Variants in GLIS3 observed in about 807,000 individuals in gnomAD.
GLIS3 encodes the protein GLIS family zinc finger 3, also known as zinc finger protein GLIS3.
Under a neutral mutation model 78.6 loss-of-function variants are expected in GLIS3, and 53 were observed. The ratio of observed to expected loss-of-function variants is 0.67; its 90% CI spans 0.54 to 0.85. The LOEUF (loss-of-function observed/expected upper bound fraction) is 0.85, where lower values mean the gene tolerates loss of function less well. Among genes scored for constraint, GLIS3 ranks in the 40% least tolerant of loss-of-function variants. The probability of loss-of-function intolerance (pLI) is 0.00; values close to 1 mark genes in which losing one functional copy is unlikely to be tolerated. For synonymous variants in GLIS3, 684 were observed against 509.9 expected, an observed-to-expected ratio of 1.34 and a Z score of -4.60; for missense variants, 1,703 against 1,231.1, an observed-to-expected ratio of 1.38 and a Z score of -5.74.
chr9:3,942,277 G>A (rs1324972248), intron 4 of GLIS3, among the ~76,000 whole-genome samples: 1 of 152,042 alleles, frequency 6.6e-6, no homozygotes, highest in East Asian at 1.9e-4. Context: ...TGTGACCCTG[G>A]GAGGTACACA....
chr9:4,011,427 C>A (rs117285918), intron 4 of GLIS3, among the ~76,000 whole-genome samples: 1 of 152,192 alleles, frequency 6.6e-6, no homozygotes, highest in Non-Finnish European at 1.5e-5. Flanking sequence ...ACGAGGCACT[C>A]GGCATTCAGT....
chr9:4,487,956 T>C, the GLIS3 span, among the ~76,000 whole-genome samples: 1 of 152,180 alleles, frequency 6.6e-6, no homozygotes, highest in African/African-American at 2.4e-5. Flanking sequence ...CCTCCCAAAC[T>C]GCTGGGAATA....
chr9:4,148,168 C>T lies in GLIS3; in HGVS notation c.389-22227G>A, dbSNP rs545286650. On this transcript the variant is annotated intron_variant, in intron 2 of 10. Transcript: ENST00000381971. ...AGGAATGCTTGAGCTCTTAATCCCT[C>T]CCCCCTTTTTCTTATTATAGCAAAA... Among the ~76,000 whole-genome samples, 3 of 152,180 alleles carry T rather than the reference C, an allele frequency of 2.0e-5. No homozygotes were observed. The East Asian group carries it at 5.8e-4, about 29-fold the overall frequency.
At chr9:3,904,490 T>C (rs1823525669) in intron 6 of GLIS3, among the ~76,000 whole-genome samples, 1 of 152,150 alleles carries the variant, frequency 6.6e-6, no homozygotes, top group Admixed American at 6.5e-5. Context: ...ACACATAATA[T>C]ATAGATATTT....
At chr9:4,487,605 T>A in the GLIS3 span, among the ~76,000 whole-genome samples, 7 of 152,058 alleles carry the variant, frequency 4.6e-5, no homozygotes, top group Admixed American at 4.6e-4. Context: ...TGCTTCCACT[T>A]TTTTCTCCCC....
chr9:4,177,743 G>T (rs149857003), intron 2 of GLIS3, among the ~76,000 whole-genome samples: 99 of 152,348 alleles, frequency 6.5e-4, no homozygotes, highest in African/African-American at 2.4e-3. Flanking sequence ...TCTTCATATG[G>T]AAAGTGTTCC....
chr9:4,379,639 C>T, the GLIS3 span, among the ~76,000 whole-genome samples: 1 of 152,158 alleles, frequency 6.6e-6, no homozygotes, highest in East Asian at 1.9e-4. Context: ...TTTCAGTGGA[C>T]CTTGAAATTA....
chr9:4,360,940 T>C, the GLIS3 span, among the ~76,000 whole-genome samples: 2 of 152,326 alleles, frequency 1.3e-5, no homozygotes, highest in South Asian at 2.1e-4. Context: ...ATTTCCACAA[T>C]AGCCAGCCTC....
chr9:4,276,841 G>A (rs958073965), intron 2 of GLIS3, among the ~76,000 whole-genome samples: 4 of 152,068 alleles, frequency 2.6e-5, no homozygotes, highest in Non-Finnish European at 5.9e-5. Flanking sequence ...AGTAAACATT[G>A]TGTTTCACCT....
the GLIS3 span, among the ~76,000 whole-genome samples, chr9:4,413,020 G>A: frequency 6.6e-6 from 1 of 152,160 alleles, no homozygotes; most frequent in Non-Finnish European, 1.5e-5. Flanking sequence ...CTTCTGTCTT[G>A]TTAGGCTACT....
At chr9:3,832,894 A>G (rs2129978181) in intron 9 of GLIS3, among the ~76,000 whole-genome samples, 1 of 152,316 alleles carries the variant, frequency 6.6e-6, no homozygotes, top group East Asian at 1.9e-4. Context: ...TTCGGGGACA[A>G]TGATAGAGAC....
At chr9:3,932,036 T>C (rs1825652314) in intron 6 of GLIS3, among the ~76,000 whole-genome samples, 1 of 152,244 alleles carries the variant, frequency 6.6e-6, no homozygotes, top group Admixed American at 6.5e-5. Flanking sequence ...ACTTAACTTC[T>C]ATAAAAGCTT....
chr9:3,923,434 A>G (rs996657703), intron 6 of GLIS3, among the ~76,000 whole-genome samples: 3 of 152,200 alleles, frequency 2.0e-5, no homozygotes, highest in Non-Finnish European at 4.4e-5. Flanking sequence ...TCCATACGCC[A>G]AAAAATCTGG....
intron 6 of GLIS3, among the ~76,000 whole-genome samples, chr9:3,920,703 T>A (rs566213302): frequency 1.3e-5 from 2 of 151,862 alleles, no homozygotes; most frequent in South Asian, 4.2e-4. Context: ...CCGATTTCTA[T>A]ATTTGCTTAT....
the GLIS3 span, among the ~76,000 whole-genome samples, chr9:4,365,887 G>C: frequency 6.6e-6 from 1 of 152,222 alleles, no homozygotes; most frequent in Non-Finnish European, 1.5e-5. Context: ...AAAGGGTCAA[G>C]GAGCTACGAG....
chr9:3,914,675 A>G (rs1385645899), intron 6 of GLIS3, among the ~76,000 whole-genome samples: 1 of 152,202 alleles, frequency 6.6e-6, no homozygotes, highest in Non-Finnish European at 1.5e-5. Flanking sequence ...CTAAAGAGTC[A>G]ATGTCAAGTG....
At chr9:4,286,571 T>C (rs912562532) in intron 1 of GLIS3, 48 bp from the exon 2 acceptor site, 5 of 912,000 alleles carry the variant, frequency 5.5e-6, no homozygotes, top group Non-Finnish European at 8.6e-6. Context: ...AAAATGAAAA[T>C]AAGATACAGT....
At position 3,876,688 on chromosome 9, in the gene GLIS3, AGGGAG is replaced by A. The variant is rs1251136828; in HGVS notation, c.2297+2734_2297+2738del. On this transcript the variant is annotated intron_variant, in intron 8 of 10. Coordinates refer to ENST00000381971, the MANE Select transcript of GLIS3 (RefSeq NM_001042413.2). ...AGAGAGAAAGAAAGAGAAGGAAGGGAGGGAGGGGAGGGAGGGGAAGGAAAGAAAGG... is the reference window on the plus strand; with the variant it reads ...AGAGAGAAAGAAAGAGAAGGAAGGGAGGGAGGGAGGGGAAGGAAAGAAAGG... 5.9e-3 allele frequency among the ~76,000 whole-genome samples: 20 copies of A among 3,400 alleles called. 1 individual carries two copies. The highest frequency in any genetic ancestry group is 0.013 in the Non-Finnish European group (17 of 1,320). 2.2% of individuals were successfully genotyped at this position (3,400 alleles called of 152,430 possible). A position where few individuals can be genotyped will look rare whatever the true frequency, so the allele number is the denominator to read the frequency against.
chr9:3,962,616 T>C (rs1320003195), intron 4 of GLIS3, among the ~76,000 whole-genome samples: 1 of 152,234 alleles, frequency 6.6e-6, no homozygotes, highest in Non-Finnish European at 1.5e-5. Flanking sequence ...ACTGATGTCA[T>C]GCCTTTGAGC....
Sources: allele counts gnomAD v4.1 joint callset (sites outside exome capture counted in the v4.1 genomes callset), GRCh38; gene constraint gnomAD v4.1.1; transcripts MANE v1.5; gene names NCBI Gene and HGNC (gene_info 2026-07-23, HGNC 2026-07-21).